The following MOB4 variants were observed in gnomAD, a reference collection of about 807,000 sequenced individuals.
MOB4 encodes the protein MOB family member 4, phocein.
In MOB4, 4 loss-of-function variants were observed where a neutral mutation model predicts 32.2. The observed-to-expected ratio is 0.12, with a 90% CI of 0.06 to 0.28. The LOEUF is 0.28. MOB4 is among the 10% of genes least tolerant of loss of function. The probability of loss-of-function intolerance (pLI) is 1.00; values close to 1 mark genes in which losing one functional copy is unlikely to be tolerated. For missense variants in MOB4, 158 were observed against 271.2 expected, an observed-to-expected ratio of 0.58 and a Z score of 2.93; for synonymous variants, 88 against 88.1, an observed-to-expected ratio of 1.00 and a Z score of 0.01.
rs1029075049 is a variant in MOB4, at chr2:197,553,075, G to T, written c.*2429G>T. The stretch of plus-strand genomic sequence containing the variant: ...TCTCTGACTTGAGATGTCAAATTTG[G>T]ATTTCTAGAACAGTTTCTCAGTTAA... On this transcript the variant is annotated 3_prime_UTR_variant, in exon 8 of 8. Coordinates refer to ENST00000323303, the MANE Select transcript of MOB4 (RefSeq NM_015387.5). 1 of 152,042 alleles carries T rather than the reference G, an allele frequency of 6.6e-6. No homozygotes were observed. The highest frequency in any genetic ancestry group is 1.5e-5 in the Non-Finnish European group (1 of 68,010). The allele number at this position is 152,042 out of a possible 1,614,324, so 9.4% of individuals were successfully genotyped here.
intron 2 of MOB4, among the ~76,000 whole-genome samples, chr2:197,533,093 TATCTCAA>T (rs1381786387): frequency 6.6e-6 from 1 of 151,752 alleles, no homozygotes; most frequent in Non-Finnish European, 1.5e-5. Flanking sequence ...AGTGAGACTC[TATCTCAA>T]AAACAAAAAA....
At chr2:197,549,154 G>C (rs2087050366) in intron 6 of MOB4, among the ~76,000 whole-genome samples, 1 of 152,080 alleles carries the variant, frequency 6.6e-6, no homozygotes, top group Non-Finnish European at 1.5e-5. Context: ...CTTGAACCCA[G>C]GAGGCAGAGG....
chr2:197,536,517 T>C (rs2086801105), intron 3 of MOB4, among the ~76,000 whole-genome samples: 2 of 151,906 alleles, frequency 1.3e-5, no homozygotes, highest in African/African-American at 4.8e-5. Flanking sequence ...TATTTCATGA[T>C]TTTCCTTAAT....
intron 2 of MOB4, among the ~76,000 whole-genome samples, chr2:197,524,544 A>G (rs1186070176): frequency 1.3e-5 from 2 of 150,320 alleles, no homozygotes; most frequent in African/African-American, 2.5e-5. Flanking sequence ...AAAAAAAAAA[A>G]AAACAAAAAC....
At chr2:197,532,076 T>G (rs2086715353) in intron 2 of MOB4, among the ~76,000 whole-genome samples, 1 of 151,600 alleles carries the variant, frequency 6.6e-6, no homozygotes, top group Non-Finnish European at 1.5e-5. Context: ...GCCTGGCCAG[T>G]TTTTGTATTT....
At chr2:197,549,696 C>T (rs1344355690) in intron 6 of MOB4, among the ~76,000 whole-genome samples, 1 of 151,672 alleles carries the variant, frequency 6.6e-6, no homozygotes, top group Non-Finnish European at 1.5e-5. Context: ...ATTACAAGTG[C>T]CTGCCACCAC....
At chr2:197,538,266 T>C (rs187841623) in intron 3 of MOB4, among the ~76,000 whole-genome samples, 4 of 152,246 alleles carry the variant, frequency 2.6e-5, no homozygotes, top group Admixed American at 2.6e-4. Context: ...GTTCTGGTGC[T>C]ATTTTTACTT....
chr2:197,533,645 A>C (rs1009539598), intron 2 of MOB4, among the ~76,000 whole-genome samples: 2 of 150,962 alleles, frequency 1.3e-5, no homozygotes, highest in Non-Finnish European at 2.9e-5. Context: ...GAATCGCTTG[A>C]ACCCGGCAGG....
In MOB4 at chr2:197,540,063, G is replaced by A. The variant is rs146615140; in HGVS notation, c.225-48G>A. On this transcript the variant is annotated intron_variant, in intron 3 of 7. Coordinates refer to ENST00000323303, the MANE Select transcript of MOB4 (RefSeq NM_015387.5). ...TTTTGCAGCTAATATTCTAAAAATTGCTGTGAAGAATAGATATGACTTTTT... is the reference window on the plus strand; with the variant it reads ...TTTTGCAGCTAATATTCTAAAAATTACTGTGAAGAATAGATATGACTTTTT... 7.0e-5 allele frequency: 108 copies of A among 1,546,512 alleles called. No individual in the cohort carries two copies. The East Asian group carries it at 1.5e-3, about 22-fold the overall frequency.
chr2:197,527,673 T>G (rs1359817095), intron 2 of MOB4, among the ~76,000 whole-genome samples: 1 of 152,210 alleles, frequency 6.6e-6, no homozygotes, highest in Non-Finnish European at 1.5e-5. Flanking sequence ...TTTAGTACAG[T>G]GTTGAATAGC....
At chr2:197,530,344 T>A (rs1434616850) in intron 2 of MOB4, among the ~76,000 whole-genome samples, 2 of 151,844 alleles carry the variant, frequency 1.3e-5, no homozygotes, top group African/African-American at 4.8e-5. Flanking sequence ...CATAGCTTAC[T>A]GCAGCCTTAA....
intron 1 of MOB4, among the ~76,000 whole-genome samples, chr2:197,521,226 C>T (rs892670267): frequency 6.6e-6 from 1 of 152,116 alleles, no homozygotes; most frequent in Non-Finnish European, 1.5e-5. Context: ...AGTTGGGCGT[C>T]CGGGGGAGAC....
chr2:197,535,400 G>A (rs2086780939), intron 2 of MOB4, 130 bp from the exon 3 acceptor site: 2 of 689,536 alleles, frequency 2.9e-6, no homozygotes, highest in African/African-American at 3.7e-5. Flanking sequence ...TTCTATACTT[G>A]GTTTCCTATT....
chr2:197,527,530 C>T (rs772254779), intron 2 of MOB4, among the ~76,000 whole-genome samples: 3 of 152,082 alleles, frequency 2.0e-5, no homozygotes, highest in South Asian at 4.1e-4. Flanking sequence ...CTTAGAGTAA[C>T]GTTCTTGTGG....
chr2:197,526,437 C>G lies in MOB4; in HGVS notation c.123+2751C>G, dbSNP rs554073592. Among the ~76,000 whole-genome samples, 9 of 152,310 alleles carry G rather than the reference C, an allele frequency of 5.9e-5. No homozygotes were observed. The South Asian group carries it at 8.3e-4, about 14-fold the overall frequency. Reference sequence around the variant, plus strand: ...GTTCAAGCGATTGTCCTGCCTCAGCCTCCTGAATAGCTGGGATTACAGGCG... The same window carrying G: ...GTTCAAGCGATTGTCCTGCCTCAGCGTCCTGAATAGCTGGGATTACAGGCG... On this transcript the variant is annotated intron_variant, in intron 2 of 7. Transcript: ENST00000323303.
chr2:197,546,666 C>T (rs2086999034), intron 5 of MOB4, among the ~76,000 whole-genome samples: 2 of 152,120 alleles, frequency 1.3e-5, no homozygotes, highest in Admixed American at 6.5e-5. Flanking sequence ...TCCCAAAGTG[C>T]TGGAATTACA....
At chr2:197,543,454 A>T (rs2086934499) in intron 5 of MOB4, among the ~76,000 whole-genome samples, 1 of 152,158 alleles carries the variant, frequency 6.6e-6, no homozygotes, top group South Asian at 2.1e-4. Context: ...AAGGGAAAAA[A>T]AAAAACCACC....
chr2:197,544,721 C>A (rs955960856), intron 5 of MOB4, among the ~76,000 whole-genome samples: 1 of 151,322 alleles, frequency 6.6e-6, no homozygotes, highest in African/African-American at 2.4e-5. Flanking sequence ...TCACTGCACT[C>A]CAGCCTGGGC....
chr2:197,519,049 C>A (rs149597805), intron 1 of MOB4, among the ~76,000 whole-genome samples: 9 of 151,282 alleles, frequency 5.9e-5, no homozygotes, highest in Non-Finnish European at 1.0e-4. Flanking sequence ...TGAGCCACTG[C>A]GCCCAGCCAA....
Sources: gnomAD v4.1 joint callset for allele counts (sites outside exome capture counted in the v4.1 genomes callset) on GRCh38, gnomAD v4.1.1 for gene constraint, MANE v1.5 for transcripts, NCBI Gene and HGNC (gene_info 2026-07-23, HGNC 2026-07-21) for gene names.